The following GRIN2A variants were observed in gnomAD, a reference collection of about 807,000 sequenced individuals.
GRIN2A encodes glutamate receptor ionotropic, NMDA 2A.
In GRIN2A, 22 loss-of-function variants were observed where a neutral mutation model predicts 113.4. The observed-to-expected ratio is 0.19, with a 90% confidence interval of 0.14 to 0.28. The LOEUF is 0.28. GRIN2A is among the 10% of genes least tolerant of loss of function. GRIN2A has a pLI of 1.00. For missense variants in GRIN2A, 1,502 were observed against 1,887.0 expected, an observed-to-expected ratio of 0.80 and a Z score of 3.78; for synonymous variants, 827 against 738.4, an observed-to-expected ratio of 1.12 and a Z score of -1.94.
At chr16:9,959,962 G>C (rs1272465786) in intron 2 of GRIN2A, among the ~76,000 whole-genome samples, 2 of 152,148 alleles carry the variant, frequency 1.3e-5, no homozygotes, top group Admixed American at 1.3e-4. Flanking sequence ...GACAGAGCGA[G>C]ATTTCATCTC....
At chr16:10,040,837 G>C (rs192317715) in intron 2 of GRIN2A, among the ~76,000 whole-genome samples, 9 of 152,238 alleles carry the variant, frequency 5.9e-5, no homozygotes, top group African/African-American at 1.4e-4. Context: ...AGGCAGCTGT[G>C]GGGGAGGCTG....
At chr16:9,936,484 T>G (rs2044716716) in intron 3 of GRIN2A, among the ~76,000 whole-genome samples, 2 of 152,194 alleles carry the variant, frequency 1.3e-5, no homozygotes, top group South Asian at 4.1e-4. Flanking sequence ...AGTTCTACAC[T>G]GCTCATTATC....
At chr16:9,894,644 T>C (rs1386561897) in intron 3 of GRIN2A, among the ~76,000 whole-genome samples, 1 of 152,136 alleles carries the variant, frequency 6.6e-6, no homozygotes, top group Non-Finnish European at 1.5e-5. Flanking sequence ...TAGCAGGACT[T>C]CAAAGTAACT....
chr16:10,144,070 T>C (rs1389197629), intron 2 of GRIN2A, among the ~76,000 whole-genome samples: 2 of 152,178 alleles, frequency 1.3e-5, no homozygotes, highest in East Asian at 1.9e-4. Context: ...TTCTTTGAGA[T>C]CCTGATTTCA....
At chr16:9,977,878 AT>A (rs1372045579) in intron 2 of GRIN2A, among the ~76,000 whole-genome samples, 2 of 152,234 alleles carry the variant, frequency 1.3e-5, no homozygotes, top group Admixed American at 6.5e-5. Context: ...TCACAAAAAA[AT>A]AAAAATAAAA....
intron 3 of GRIN2A, among the ~76,000 whole-genome samples, chr16:9,896,742 G>C (rs1309589839): frequency 6.6e-6 from 1 of 152,124 alleles, no homozygotes; most frequent in Non-Finnish European, 1.5e-5. Flanking sequence ...GAAGTTGGCA[G>C]GGAGCAAGTA....
chr16:10,045,602 C>A (rs1178672520), intron 2 of GRIN2A, among the ~76,000 whole-genome samples: 1 of 152,198 alleles, frequency 6.6e-6, no homozygotes, highest in Non-Finnish European at 1.5e-5. Context: ...ATAAGAAATG[C>A]CAGACTGGGT....
At chr16:9,828,626 C>T (rs1213211875) in intron 9 of GRIN2A, among the ~76,000 whole-genome samples, 2 of 152,172 alleles carry the variant, frequency 1.3e-5, no homozygotes, top group Non-Finnish European at 2.9e-5. Context: ...GAACTAAAGT[C>T]TCAATAGGAG....
intron 12 of GRIN2A, among the ~76,000 whole-genome samples, chr16:9,767,177 A>G (rs1294940459): frequency 2.0e-5 from 3 of 152,220 alleles, no homozygotes; most frequent in African/African-American, 7.2e-5. Flanking sequence ...TAAGCAATCT[A>G]TGTGTTTAGA....
At chr16:10,105,853 G>C (rs1420207565) in intron 2 of GRIN2A, among the ~76,000 whole-genome samples, 2 of 152,322 alleles carry the variant, frequency 1.3e-5, no homozygotes, top group East Asian at 1.9e-4. Context: ...GTTGCAGACA[G>C]CTAAGATCGT....
chr16:9,807,117 A>C (rs1013723234), intron 10 of GRIN2A, among the ~76,000 whole-genome samples: 1 of 150,204 alleles, frequency 6.7e-6, no homozygotes, highest in Non-Finnish European at 1.5e-5. Flanking sequence ...CTTTGAGTCC[A>C]TTAAACATCT....
At chr16:10,096,398 C>T (rs1368020258) in intron 2 of GRIN2A, among the ~76,000 whole-genome samples, 7 of 152,168 alleles carry the variant, frequency 4.6e-5, no homozygotes, top group Non-Finnish European at 1.0e-4. Context: ...TCTGACACTT[C>T]GGTGGTGTAC....
intron 2 of GRIN2A, among the ~76,000 whole-genome samples, chr16:10,169,999 C>A (rs2050007683): frequency 6.6e-6 from 1 of 152,064 alleles, no homozygotes; most frequent in African/African-American, 2.4e-5. Context: ...TATTTGAGCA[C>A]CATGATCTCA....
At chr16:9,834,650 G>T (rs1263312991) in intron 7 of GRIN2A, among the ~76,000 whole-genome samples, 2 of 152,144 alleles carry the variant, frequency 1.3e-5, no homozygotes, top group Non-Finnish European at 2.9e-5. Context: ...CCAAAGTGCT[G>T]GGATTACAGG....
At chr16:10,152,939 G>C (rs952198737) in intron 2 of GRIN2A, among the ~76,000 whole-genome samples, 5 of 152,130 alleles carry the variant, frequency 3.3e-5, no homozygotes, top group African/African-American at 9.7e-5. Flanking sequence ...TAGGGGCTTA[G>C]GGAAGAATAA....
intron 2 of GRIN2A, among the ~76,000 whole-genome samples, chr16:10,060,801 C>G (rs1247724385): frequency 6.6e-6 from 1 of 152,164 alleles, no homozygotes; most frequent in Admixed American, 6.5e-5. Context: ...TGCGTTTCCT[C>G]TTTACGAGTG....
intron 2 of GRIN2A, among the ~76,000 whole-genome samples, chr16:10,048,125 C>T (rs2141977635): frequency 6.6e-6 from 1 of 152,294 alleles, no homozygotes; most frequent in East Asian, 1.9e-4. Flanking sequence ...CCTTTTCAAA[C>T]ATGTATTAAT....
chr16:9,771,359 T>A (rs1297328329), intron 11 of GRIN2A, among the ~76,000 whole-genome samples: 1 of 152,156 alleles, frequency 6.6e-6, no homozygotes, highest in African/African-American at 2.4e-5. Context: ...TATTCTTTTG[T>A]TGGTAATATT....
At chr16:10,129,786 A>G (rs1159988127) in intron 2 of GRIN2A, among the ~76,000 whole-genome samples, 3 of 152,202 alleles carry the variant, frequency 2.0e-5, no homozygotes, top group East Asian at 1.9e-4. Flanking sequence ...GTGATTCAAG[A>G]TATGGGTTTT....
Sources: gnomAD v4.1 joint callset for allele counts (sites outside exome capture counted in the v4.1 genomes callset) on GRCh38, gnomAD v4.1.1 for gene constraint, MANE v1.5 for transcripts, NCBI Gene and HGNC (gene_info 2026-07-23, HGNC 2026-07-21) for gene names.